Variants in SEMA3C observed in about 807,000 individuals in gnomAD.
The protein encoded by SEMA3C is semaphorin 3C, also known as semaphorin-3C.
Under a neutral mutation model 89.4 loss-of-function variants are expected in SEMA3C, and 47 were observed. The ratio of observed to expected loss-of-function variants is 0.53; its 90% confidence interval spans 0.42 to 0.67. The LOEUF (loss-of-function observed/expected upper bound fraction) is 0.67. Among genes scored for constraint, SEMA3C ranks in the 30% least tolerant of loss-of-function variants. The pLI, the probability that SEMA3C is intolerant of heterozygous loss-of-function variation, is 0.00. For synonymous variants in SEMA3C, 310 were observed against 320.2 expected (o/e 0.97, Z 0.34); for missense variants, 839 against 929.1 (o/e 0.90, Z 1.26).
intron 15 of SEMA3C, among the ~76,000 whole-genome samples, chr7:80,754,223 C>T (rs1241844770): frequency 6.6e-6 from 1 of 152,152 alleles, no homozygotes; most frequent in Non-Finnish European, 1.5e-5. Context: ...AGGTGTGGGC[C>T]ACTGCGCCCG....
intron 2 of SEMA3C, among the ~76,000 whole-genome samples, chr7:80,854,099 A>G (rs931535892): frequency 2.6e-5 from 4 of 152,222 alleles, no homozygotes; most frequent in African/African-American, 4.8e-5. Flanking sequence ...TAGTATGTTT[A>G]TAAGTGAGAC....
chr7:80,812,961 ATTTTTTTTTTT>A (rs1215661147), intron 5 of SEMA3C, among the ~76,000 whole-genome samples: 2 of 92,498 alleles, frequency 2.2e-5, no homozygotes, highest in Admixed American at 1.2e-4. Context: ...TATTTTTTGT[ATTTTTTTTTTT>A]TTTTTTTTTT....
intron 2 of SEMA3C, among the ~76,000 whole-genome samples, chr7:80,836,882 C>A (rs1790143209): frequency 6.6e-6 from 1 of 152,132 alleles, no homozygotes; most frequent in Admixed American, 6.5e-5. Context: ...TGCCCTCTTT[C>A]ATTCTCAAAA....
At chr7:80,810,731 C>A in intron 5 of SEMA3C, 30 bp from the exon 6 acceptor site, 1 of 1,504,738 alleles carries the variant, frequency 6.6e-7, no homozygotes, top group Non-Finnish European at 9.2e-7. Context: ...TAAAATGTGG[C>A]AATGATAACT....
intron 4 of SEMA3C, among the ~76,000 whole-genome samples, chr7:80,821,310 C>T (rs1789740614): frequency 6.6e-6 from 1 of 152,122 alleles, no homozygotes; most frequent in Admixed American, 6.5e-5. Flanking sequence ...CTGTTTGAGA[C>T]CATATAGGTA....
rs781697636 is a variant in SEMA3C at position 80,789,521 on chromosome 7, C to T, written c.1139G>A (p.Gly380Glu). ...IPYPRPGTCP[G>E]GAFTPNMRTT... is the part of the protein sequence containing the mutation. The stretch of plus-strand genomic sequence containing the variant: ...TCGCATATTGGGTGTAAATGCTCCT[C>T]CTGGACACTAGAAAGAAAGTTTTAA... Residue 380 changes from glycine to glutamate, a missense_variant, in exon 12 of 18, where the codon GGA becomes GAA. Gly to Glu is a moderately conservative substitution (Grantham distance 98, BLOSUM62 -2). Coordinates refer to ENST00000265361, the MANE Select transcript of SEMA3C (RefSeq NM_006379.5). 1 of 1,597,904 alleles carries T rather than the reference C, an allele frequency of 6.3e-7. No individual in the cohort carries two copies. The highest frequency in any genetic ancestry group is 8.5e-7 in the Non-Finnish European group (1 of 1,173,294).
intron 4 of SEMA3C, among the ~76,000 whole-genome samples, chr7:80,824,271 C>A (rs1330677966): frequency 6.6e-6 from 1 of 151,988 alleles, no homozygotes; most frequent in Non-Finnish European, 1.5e-5. Flanking sequence ...TGAAAATATA[C>A]TTCTAAAATA....
chr7:80,900,270 C>G (rs560076824), intron 2 of SEMA3C, among the ~76,000 whole-genome samples: 3 of 152,016 alleles, frequency 2.0e-5, no homozygotes, highest in African/African-American at 2.4e-5. Context: ...CCCGCCACCA[C>G]GCCTGGCTAA....
At chr7:80,872,173 CAG>C (rs1395750061) in intron 2 of SEMA3C, among the ~76,000 whole-genome samples, 4 of 152,186 alleles carry the variant, frequency 2.6e-5, no homozygotes, top group East Asian at 1.9e-4. Context: ...TGTTTTCAGA[CAG>C]AGTCTCGCTC....
chr7:80,818,849 T>A (rs987806404), intron 4 of SEMA3C, among the ~76,000 whole-genome samples: 4 of 152,176 alleles, frequency 2.6e-5, no homozygotes, highest in Non-Finnish European at 5.9e-5. Flanking sequence ...AGAGTACTTA[T>A]CTAACTTGTA....
intron 12 of SEMA3C, among the ~76,000 whole-genome samples, chr7:80,765,984 C>T (rs1184759867): frequency 1.3e-5 from 2 of 152,132 alleles, no homozygotes; most frequent in Non-Finnish European, 2.9e-5. Flanking sequence ...ATTTCATTAT[C>T]TGAAGAAAGA....
intron 11 of SEMA3C, among the ~76,000 whole-genome samples, chr7:80,790,603 C>T (rs554108382): frequency 7.1e-4 from 108 of 152,268 alleles, no homozygotes; most frequent in African/African-American, 2.2e-3. Flanking sequence ...CTTCCCTGTC[C>T]GGCATACTCC....
At chr7:80,810,922 C>A (rs1431317196) in intron 5 of SEMA3C, among the ~76,000 whole-genome samples, 1 of 152,074 alleles carries the variant, frequency 6.6e-6, no homozygotes, top group Non-Finnish European at 1.5e-5. Context: ...CTATTGCACT[C>A]CCCAGAGAGC....
chr7:80,909,306 T>C (rs1792090158), intron 2 of SEMA3C, among the ~76,000 whole-genome samples: 1 of 152,182 alleles, frequency 6.6e-6, no homozygotes, highest in African/African-American at 2.4e-5. Flanking sequence ...ACAGAAATCT[T>C]CTGTAAAATT....
intron 2 of SEMA3C, among the ~76,000 whole-genome samples, chr7:80,886,500 C>T (rs558310686): frequency 1.2e-4 from 18 of 151,834 alleles, no homozygotes; most frequent in South Asian, 2.1e-4. Flanking sequence ...ATTACAGGCA[C>T]GCACCACCAT....
chr7:80,804,579 T>C (rs1223860128), intron 7 of SEMA3C, among the ~76,000 whole-genome samples: 1 of 152,158 alleles, frequency 6.6e-6, no homozygotes, highest in Non-Finnish European at 1.5e-5. Flanking sequence ...TGTTTTTCAA[T>C]CTAGCACATA....
intron 4 of SEMA3C, among the ~76,000 whole-genome samples, chr7:80,825,588 T>G (rs1409436099): frequency 6.6e-6 from 1 of 152,194 alleles, no homozygotes; most frequent in Admixed American, 6.5e-5. Flanking sequence ...TGTCTAAGAT[T>G]CTTCAGAAAC....
At position 80,810,765 on chromosome 7, in the gene SEMA3C, T is replaced by C; in HGVS notation, c.448-64A>G. The stretch of plus-strand genomic sequence containing the variant: ...CTTATTTAGTGAAGACAATTGTTCA[T>C]TAGTAAAACAAAGCATCATTAAAAT... On this transcript the variant is annotated intron_variant, in intron 5 of 17. Transcript: ENST00000265361. 4 of 1,241,940 alleles carry C rather than the reference T, an allele frequency of 3.2e-6. No homozygotes were observed. The South Asian group carries it at 4.9e-5, about 15-fold the overall frequency. The allele number at this position is 1,241,940 out of a possible 1,614,324, so 76.9% of individuals were successfully genotyped here.
chr7:80,778,674 A>G (rs572523334), intron 12 of SEMA3C, among the ~76,000 whole-genome samples: 8 of 152,058 alleles, frequency 5.3e-5, no homozygotes, highest in African/African-American at 7.2e-5. Context: ...CTTTCTGTTC[A>G]TGTCTCAGGT....
Sources: gnomAD v4.1 joint callset for allele counts (sites outside exome capture counted in the v4.1 genomes callset) on GRCh38, gnomAD v4.1.1 for gene constraint, MANE v1.5 for transcripts, NCBI Gene and HGNC (gene_info 2026-07-23, HGNC 2026-07-21) for gene names.